Variants in ZDHHC1 observed in about 807,000 individuals in gnomAD.
ZDHHC1 encodes palmitoyltransferase ZDHHC1.
In ZDHHC1, 45 loss-of-function variants were observed where a neutral mutation model predicts 46.9. The ratio of observed to expected loss-of-function variants is 0.96; its 90% CI spans 0.76 to 1.23. The LOEUF (loss-of-function observed/expected upper bound fraction) is 1.23. Ranked by LOEUF, ZDHHC1 falls within the 50% of genes most tolerant of loss-of-function variation. The pLI, the probability that ZDHHC1 is intolerant of heterozygous loss-of-function variation, is 0.00. For synonymous variants in ZDHHC1, 291 were observed against 286.0 expected, an observed-to-expected ratio of 1.02 and a Z score of -0.18; for missense variants, 649 against 670.8, an observed-to-expected ratio of 0.97 and a Z score of 0.36.
intron 8 of ZDHHC1, among the ~76,000 whole-genome samples, chr16:67,397,978 C>T (rs537618127): frequency 7.9e-5 from 12 of 152,348 alleles, no homozygotes; most frequent in Admixed American, 4.6e-4. Context: ...CATGCCCTCC[C>T]GCGCATGCTT....
At chr16:67,395,804 G>A (rs556661498) in intron 8 of ZDHHC1, 1 of 550,684 alleles carries the variant, frequency 1.8e-6, no homozygotes, top group South Asian at 2.1e-5. Flanking sequence ...GCCTCCTGCA[G>A]GAAGGCTCCC....
chr16:67,394,882 G>T lies in ZDHHC1; in HGVS notation c.1177C>A (p.Pro393Thr), dbSNP rs1567513780. The change falls in exon 12 of 12, where the codon CCC becomes ACC. Residue 393 changes from proline to threonine, a missense_variant. Pro to Thr is a conservative substitution (Grantham distance 38). Coordinates refer to ENST00000565726, the MANE Select transcript of ZDHHC1 (RefSeq NM_001323627.2). ...TSDPASGPRA[P>T]SRRSSSSTDS... ...GTCGACGAGCTGGAGCGGCGGCTGG[G>T]GGCCCTAGGCCCTGCGCAAGGGAAG... 7 of 1,563,732 alleles carry T rather than the reference G, an allele frequency of 4.5e-6. No individual in the cohort carries two copies. The South Asian group carries it at 8.2e-5, about 18-fold the overall frequency.
intron 1 of ZDHHC1, among the ~76,000 whole-genome samples, chr16:67,413,842 G>A (rs1433143956): frequency 6.6e-6 from 1 of 151,760 alleles, no homozygotes; most frequent in Non-Finnish European, 1.5e-5. Flanking sequence ...TGGAGGCTGA[G>A]GCAGAAGAAT....
intron 7 of ZDHHC1, 117 bp from the exon 8 acceptor site, chr16:67,398,441 A>C (rs1349514535): frequency 1.3e-6 from 2 of 1,507,922 alleles, no homozygotes; most frequent in Middle Eastern, 2.1e-4. Flanking sequence ...CGAAGCCATC[A>C]GGTGAGACCT....
rs761337627 is a variant in ZDHHC1, at chr16:67,395,054, C to G, written c.1113G>C (p.Arg371Ser). 1 of 1,613,296 alleles carries G rather than the reference C, an allele frequency of 6.2e-7. No homozygotes were observed. The highest frequency in any genetic ancestry group is 1.7e-5 in the Admixed American group (1 of 60,000). Reference protein sequence around the residue: ...LPPRIRPQKKRKRRVYKVRTS... With the variant: ...LPPRIRPQKKSKRRVYKVRTS... Reference sequence around the variant, plus strand: ...TTCGCACTTTATACACGCGCCTCTTCCTCTTTTTCTGCAGAGACACGGGGG... The same window carrying G: ...TTCGCACTTTATACACGCGCCTCTTGCTCTTTTTCTGCAGAGACACGGGGG... The change falls in exon 11 of 12, where the codon AGG becomes AGC. Residue 371 changes from arginine (R) to serine (S), a missense_variant. By Grantham distance (110) the Arg-to-Ser change is moderately radical (BLOSUM62 -1). Transcript: ENST00000565726.
At chr16:67,396,625 G>A (rs1484184257) in intron 8 of ZDHHC1, among the ~76,000 whole-genome samples, 1 of 152,188 alleles carries the variant, frequency 6.6e-6, no homozygotes. Context: ...CCCAGCCAGC[G>A]GCCCCGCCCA....
rs1298383446 is a variant in ZDHHC1 at position 67,394,316 on chromosome 16, G to C, written c.*294C>G. On this transcript the variant is annotated 3_prime_UTR_variant, in exon 12 of 12. Coordinates refer to ENST00000565726, the MANE Select transcript of ZDHHC1 (RefSeq NM_001323627.2). ...GCACCTCCACAGGGCAGCCTGGGTG[G>C]CTACCTACTATACAGGGACCTCCTC... 6.2e-6 allele frequency: 1 copy of C among 160,966 alleles called. No individual in the cohort carries two copies. Among genetic ancestry groups the C allele is most frequent in the African/African-American group, 2.4e-5 (1 of 41,750 alleles). 10.0% of individuals were successfully genotyped at this position (160,966 alleles called of 1,614,324 possible).
Position 67,398,643 on chromosome 16 carries a change from G to A in ZDHHC1, c.744C>T (p.Ala248=). The change falls in exon 7 of 12, where the codon GCC becomes GCT. Residue 248 remains alanine (A), a synonymous_variant. Transcript: ENST00000565726. ...TQAPAILALA[A]LLILLGLLST... is the part of the protein sequence containing the mutation. ...ACAGGAGGCCCAGAAGGATGAGCAGGGCGGCCAGGGCCAGGATGGCAGGGG... is the reference window on the plus strand; with the variant it reads ...ACAGGAGGCCCAGAAGGATGAGCAGAGCGGCCAGGGCCAGGATGGCAGGGG... 1 of 1,607,034 alleles carries A rather than the reference G, an allele frequency of 6.2e-7. No homozygotes were observed. The highest frequency in any genetic ancestry group is 1.7e-5 in the Admixed American group (1 of 58,594).
intron 1 of ZDHHC1, among the ~76,000 whole-genome samples, chr16:67,414,353 G>T (rs561950635): frequency 6.6e-6 from 1 of 152,236 alleles, no homozygotes; most frequent in East Asian, 1.9e-4. Context: ...TTACAAACCC[G>T]TCTCCCACAG....
intron 1 of ZDHHC1, among the ~76,000 whole-genome samples, chr16:67,413,731 G>A (rs1300760607): frequency 6.6e-6 from 1 of 151,410 alleles, no homozygotes; most frequent in African/African-American, 2.5e-5. Flanking sequence ...CCTGAGGTCA[G>A]GAATTCGAGA....
In ZDHHC1 at chr16:67,394,399, T is replaced by G; in HGVS notation, c.*211A>C. 30 of 257,542 alleles carry G rather than the reference T, an allele frequency of 1.2e-4. No individual in the cohort carries two copies. Among genetic ancestry groups the G allele is most frequent in the Non-Finnish European group, 1.4e-4 (22 of 154,846 alleles). 16.0% of individuals were successfully genotyped at this position (257,542 alleles called of 1,614,324 possible). A position where few individuals can be genotyped will look rare whatever the true frequency, so the allele number is the denominator to read the frequency against. ...TCTGGATGGCCCGTGGCCCCTGCCATTAAGAAAGTAAGCGCGACGTCCGCA... is the reference window on the plus strand; with the variant it reads ...TCTGGATGGCCCGTGGCCCCTGCCAGTAAGAAAGTAAGCGCGACGTCCGCA... On this transcript the variant is annotated 3_prime_UTR_variant, in exon 12 of 12. Coordinates refer to ENST00000565726, the MANE Select transcript of ZDHHC1 (RefSeq NM_001323627.2).
In ZDHHC1 at chr16:67,394,997, C is replaced by T. The variant is rs781131708; in HGVS notation, c.1165+5G>A. On this transcript the variant is annotated splice_donor_5th_base_variant and intron_variant, in intron 11 of 11. Transcript: ENST00000565726. Reference sequence around the variant, plus strand: ...AGCAGGACCCGGACAGGGAGAGGCGCTCACCCGACGCCGGATCCGAGGTCT... The same window carrying T: ...AGCAGGACCCGGACAGGGAGAGGCGTTCACCCGACGCCGGATCCGAGGTCT... The T allele has an allele frequency of 4.4e-6, 7 of 1,607,908 alleles. No individual in the cohort carries two copies. Among genetic ancestry groups the T allele is most frequent in the Non-Finnish European group, 5.9e-6 (7 of 1,177,326 alleles).
At chr16:67,403,839 CCT>C (rs1009625420) in intron 3 of ZDHHC1, among the ~76,000 whole-genome samples, 2 of 152,098 alleles carry the variant, frequency 1.3e-5, no homozygotes, top group Non-Finnish European at 2.9e-5. Flanking sequence ...GTCTGGAACT[CCT>C]GACCTCAGGT....
intron 3 of ZDHHC1, among the ~76,000 whole-genome samples, chr16:67,405,934 G>T (rs2040646405): frequency 6.6e-6 from 1 of 152,186 alleles, no homozygotes; most frequent in South Asian, 2.1e-4. Flanking sequence ...CTCCTGTGGT[G>T]CCTCTGTGGA....
chr16:67,404,097 C>G (rs2040606426), intron 3 of ZDHHC1: 1 of 151,934 alleles, frequency 6.6e-6, no homozygotes, highest in Non-Finnish European at 1.5e-5. Flanking sequence ...TTGGCAGTGG[C>G]AGAAACCGGG....
At position 67,395,291 on chromosome 16, in the gene ZDHHC1, A is replaced by G; in HGVS notation, c.1011-11T>C. 1 of 1,531,052 alleles carries G rather than the reference A, an allele frequency of 6.5e-7. No individual in the cohort carries two copies. The highest frequency in any genetic ancestry group is 1.2e-5 in the South Asian group (1 of 81,540). 94.8% of individuals were successfully genotyped at this position (1,531,052 alleles called of 1,614,324 possible). A position where few individuals can be genotyped will look rare whatever the true frequency, so the allele number is the denominator to read the frequency against. ...AGAAACTGGGAGGGACTGAGGGGGA[A>G]GCAGGAGGGTAAGCCTGGGGCCTGT... On this transcript the variant is annotated splice_polypyrimidine_tract_variant and intron_variant, in intron 9 of 11. Transcript: ENST00000565726.
Position 67,398,729 on chromosome 16 carries a change from G to T in ZDHHC1, c.658C>A (p.Leu220Met). The T allele has an allele frequency of 1.2e-6, 2 of 1,610,042 alleles. No individual in the cohort carries two copies. The highest frequency in any genetic ancestry group is 1.7e-6 in the Non-Finnish European group (2 of 1,178,682). The part of the protein sequence containing the change: ...RLRTNRHFEV[L>M]KNHTDVWFVF... ...AACCACACATCCGTGTGATTCTTCA[G>T]GACTGCAAGGCACAGGCAGTGTGTG... The change falls in exon 7 of 12, where the codon CTG becomes ATG. Residue 220 changes from leucine to methionine, a missense_variant and splice_region_variant. By Grantham distance (15) the Leu-to-Met change is conservative. Transcript: ENST00000565726.
At chr16:67,415,467 A>T (rs2040818851) in intron 1 of ZDHHC1, among the ~76,000 whole-genome samples, 1 of 152,104 alleles carries the variant, frequency 6.6e-6, no homozygotes, top group Middle Eastern at 3.4e-3. Context: ...TCAAAAAAAT[A>T]AAAAATTGGC....
Position 67,398,866 on chromosome 16 carries a change from C to A in ZDHHC1, c.609G>T (p.Glu203Asp), listed in dbSNP as rs745766676. Residue 203 changes from glutamate to aspartate, a missense_variant, in exon 6 of 12, where the codon GAG becomes GAT. By Grantham distance (45) the Glu-to-Asp change is conservative. Coordinates refer to ENST00000565726, the MANE Select transcript of ZDHHC1 (RefSeq NM_001323627.2). Reference protein sequence around the residue: ...LVLVATYVFVEFFVNPMRLRT... With the variant: ...LVLVATYVFVDFFVNPMRLRT... ...GCAGACGCATGGGGTTGACAAAGAA[C>A]TCCACGAAGACATATGTGGCCACCA... 5.6e-6 allele frequency: 9 copies of A among 1,613,214 alleles called. No individual in the cohort carries two copies. In the Admixed American group the frequency reaches 1.2e-4, roughly 21 times the overall value.
Sources: gnomAD v4.1 joint callset for allele counts (sites outside exome capture counted in the v4.1 genomes callset) on GRCh38, gnomAD v4.1.1 for gene constraint, MANE v1.5 for transcripts, NCBI Gene and HGNC (gene_info 2026-07-23, HGNC 2026-07-21) for gene names.